Variants in ANKRD17 observed in about 807,000 individuals in gnomAD.
ANKRD17 encodes ankyrin repeat domain 17.
Under a neutral mutation model 229.7 loss-of-function variants are expected in ANKRD17, and 19 were observed. The observed-to-expected ratio is 0.08, with a 90% CI of 0.06 to 0.12. The LOEUF (loss-of-function observed/expected upper bound fraction) is 0.12. Ranked by LOEUF, ANKRD17 falls within the 10% of genes least tolerant of loss-of-function variation. The pLI is 1.00. For synonymous variants in ANKRD17, 1,112 were observed against 1,146.1 expected, an observed-to-expected ratio of 0.97 and a Z score of 0.60; for missense variants, 2,176 against 3,176.8, an observed-to-expected ratio of 0.68 and a Z score of 7.57.
intron 2 of ANKRD17, among the ~76,000 whole-genome samples, chr4:73,174,428 A>C (rs977813078): frequency 2.0e-5 from 3 of 152,208 alleles, no homozygotes; most frequent in African/African-American, 7.2e-5. Context: ...GAGAAGGGAC[A>C]TATCTCAAGG....
At chr4:73,257,437 C>T (rs570675274) in intron 1 of ANKRD17, among the ~76,000 whole-genome samples, 1 of 152,292 alleles carries the variant, frequency 6.6e-6, no homozygotes, top group South Asian at 2.1e-4. Flanking sequence ...CAACTCACCA[C>T]AACCAGGCCT....
At chr4:73,119,135 C>T (rs1400142298) in intron 21 of ANKRD17, among the ~76,000 whole-genome samples, 4 of 152,028 alleles carry the variant, frequency 2.6e-5, no homozygotes, top group African/African-American at 7.2e-5. Flanking sequence ...AATCCTCCTG[C>T]CTCAACCTCT....
chr4:73,208,083 G>A (rs183650642), intron 1 of ANKRD17, among the ~76,000 whole-genome samples: 1 of 151,862 alleles, frequency 6.6e-6, no homozygotes, highest in Non-Finnish European at 1.5e-5. Flanking sequence ...CAGCTACTCC[G>A]GAGGCTGAGG....
At chr4:73,189,456 GCGCCATCTTGGTTCAC>G (rs1364223151) in intron 1 of ANKRD17, among the ~76,000 whole-genome samples, 1 of 133,180 alleles carries the variant, frequency 7.5e-6, no homozygotes, top group Non-Finnish European at 1.5e-5. Context: ...GAGTGCAGTG[GCGCCATCTTGGTTCAC>G]TGCAACCTCC....
chr4:73,134,060 C>G (rs1728588754), intron 16 of ANKRD17, among the ~76,000 whole-genome samples: 2 of 152,068 alleles, frequency 1.3e-5, no homozygotes, highest in African/African-American at 4.8e-5. Flanking sequence ...AAGTACTCAA[C>G]AACAACAAAA....
chr4:73,258,793 T>TCTACTGCCG lies in ANKRD17; in HGVS notation c.-126_-125insCGGCAGTAG, dbSNP rs1243673271. On this transcript the variant is annotated 5_prime_UTR_variant, in exon 1 of 34. Coordinates refer to ENST00000358602, the MANE Select transcript of ANKRD17 (RefSeq NM_032217.5). ...CTCCGCCGCCACCGCCTCGGTCACC[T>TCTACTGCCG]CTACTGCCGCCGCCGCCGCCGCCGC... The TCTACTGCCG allele has an allele frequency of 4.4e-5, 51 of 1,160,670 alleles. No homozygotes were observed. The highest frequency in any genetic ancestry group is 5.2e-5 in the Non-Finnish European group (49 of 943,412). 71.9% of individuals were successfully genotyped at this position (1,160,670 alleles called of 1,614,324 possible).
chr4:73,075,500 A>C lies in ANKRD17; in HGVS notation c.*731T>G, dbSNP rs1720940698. 6.6e-6 allele frequency: 1 copy of C among 152,542 alleles called. No individual in the cohort carries two copies. Among genetic ancestry groups the C allele is most frequent in the Admixed American group, 6.5e-5 (1 of 15,276 alleles). 9.4% of individuals were successfully genotyped at this position (152,542 alleles called of 1,614,324 possible). On this transcript the variant is annotated 3_prime_UTR_variant, in exon 34 of 34. Transcript: ENST00000358602. ...AGGAGTGAGGAGATAAGTCTGTATT[A>C]GTTTTAAAAGTGAGAAAAGGTAATA...
intron 25 of ANKRD17, among the ~76,000 whole-genome samples, chr4:73,101,682 G>A (rs1158771320): frequency 4.4e-4 from 27 of 61,278 alleles, no homozygotes; most frequent in South Asian, 5.1e-4. Flanking sequence ...AAAAAAAAAA[G>A]GATTTATAGG....
rs1158716627 is a variant in ANKRD17, at chr4:73,121,691, T to C, written c.3561A>G (p.Leu1187=). ...EHRNVSDYTP[L]SLAASGGYVN... is the part of the protein sequence containing the mutation. The stretch of plus-strand genomic sequence containing the variant: ...CATAGCCACCAGAAGCAGCCAGACT[T>C]AGAGGTGTGTAATCAGAAACATTCC... Residue 1187 remains leucine (L), a synonymous_variant, in exon 19 of 34, where the codon CTA becomes CTG. Transcript: ENST00000358602. The C allele has an allele frequency of 7.4e-6, 12 of 1,613,674 alleles. No individual in the cohort carries two copies. The highest frequency in any genetic ancestry group is 9.3e-6 in the Non-Finnish European group (11 of 1,179,816).
chr4:73,160,488 G>A (rs1438231991), intron 3 of ANKRD17, among the ~76,000 whole-genome samples: 3 of 152,110 alleles, frequency 2.0e-5, no homozygotes, highest in Non-Finnish European at 4.4e-5. Context: ...AAAGTGCTGA[G>A]ATTACAGGCG....
chr4:73,224,935 T>C (rs769052468), intron 1 of ANKRD17, among the ~76,000 whole-genome samples: 96 of 152,214 alleles, frequency 6.3e-4, no homozygotes, highest in Non-Finnish European at 1.1e-3. Flanking sequence ...CACACAGTTA[T>C]ATGCAGAGTC....
At chr4:73,207,613 T>C (rs935872940) in intron 1 of ANKRD17, among the ~76,000 whole-genome samples, 2 of 152,152 alleles carry the variant, frequency 1.3e-5, no homozygotes, top group Non-Finnish European at 2.9e-5. Context: ...GAAATGCTGG[T>C]AGAGCTATTA....
intron 21 of ANKRD17, among the ~76,000 whole-genome samples, chr4:73,119,833 A>T (rs958519129): frequency 3.3e-5 from 5 of 152,220 alleles, no homozygotes; most frequent in Non-Finnish European, 7.3e-5. Context: ...GAAGCCTTAG[A>T]TCACTGCCAG....
At chr4:73,123,485 C>T (rs113979304) in intron 18 of ANKRD17, among the ~76,000 whole-genome samples, 131 of 152,012 alleles carry the variant, frequency 8.6e-4, no homozygotes, top group African/African-American at 2.9e-3. Context: ...CTCCTTGTCT[C>T]TTGTGTGGAG....
rs1443567710 is a variant in ANKRD17 at position 73,121,752 on chromosome 4, T to G, written c.3500A>C (p.Glu1167Ala). Reference sequence around the variant, plus strand: ...ATTTGCCCCTCGAGCTAACAATAGCTCCACCACCTGAAAATAAAATAGAAA... The same window carrying G: ...ATTTGCCCCTCGAGCTAACAATAGCGCCACCACCTGAAAATAAAATAGAAA... Reference protein sequence around the residue: ...ACSGGRQEVVELLLARGANKE... With the variant: ...ACSGGRQEVVALLLARGANKE... The change falls in exon 19 of 34, where the codon GAG (glutamate) becomes GCG (alanine). Residue 1167 changes from glutamate to alanine, a missense_variant. Glu to Ala is a moderately radical substitution (Grantham distance 107). Around this residue, in one of 18 missense-constraint regions of ANKRD17, gnomAD observed 178 missense variants for 421.7 expected, o/e 0.42. Transcript: ENST00000358602. 1 of 1,587,980 alleles carries G rather than the reference T, an allele frequency of 6.3e-7. No individual in the cohort carries two copies.
At chr4:73,237,188 T>C (rs903675678) in intron 1 of ANKRD17, among the ~76,000 whole-genome samples, 1 of 152,180 alleles carries the variant, frequency 6.6e-6, no homozygotes, top group Non-Finnish European at 1.5e-5. Context: ...CTTAACATTC[T>C]AGGTTGCCTA....
rs1723538330 is a variant in ANKRD17, at chr4:73,098,205, T to C, written c.4889A>G (p.Asn1630Ser). ...ATGATTGTCACTCTTACGACTGCTG[T>C]TGCTGTTACTACTTTCATCGCTGCA... Reference protein sequence around the residue: ...SSCSDESSNSNSSRKSDNHSP... With the variant: ...SSCSDESSNSSSSRKSDNHSP... Residue 1630 changes from asparagine to serine, a missense_variant, in exon 26 of 34, where the codon AAC (asparagine) becomes AGC (serine). Asn to Ser is a conservative substitution (Grantham distance 46). Around this residue, in one of 18 missense-constraint regions of ANKRD17, gnomAD observed 98 missense variants for 101.0 expected, o/e 0.97. Coordinates refer to ENST00000358602, the MANE Select transcript of ANKRD17 (RefSeq NM_032217.5). 3.1e-6 allele frequency: 5 copies of C among 1,614,112 alleles called. No homozygotes were observed. The highest frequency in any genetic ancestry group is 4.2e-6 in the Non-Finnish European group (5 of 1,180,052).
rs201100786 is a variant in ANKRD17, at chr4:73,139,877, A to G, written c.2739T>C (p.Thr913=). The G allele has an allele frequency of 5.0e-5, 81 of 1,614,088 alleles. No individual in the cohort carries two copies. Among genetic ancestry groups the G allele is most frequent in the Non-Finnish European group, 1.4e-5 (17 of 1,180,050 alleles). Residue 913 remains threonine (T), a synonymous_variant, in exon 15 of 34, where the codon ACT becomes ACC. Coordinates refer to ENST00000358602, the MANE Select transcript of ANKRD17 (RefSeq NM_032217.5). ...QQSCQHLGLL[T]PVGVGEQLSE... is the part of the protein sequence containing the mutation. ...AAAGCTGCTCTCCAACTCCAACAGG[A>G]GTTAGTAATCCCAGGTGTTGGCAAG...
At chr4:73,163,720 T>C (rs1410844793) in intron 2 of ANKRD17, among the ~76,000 whole-genome samples, 2 of 152,234 alleles carry the variant, frequency 1.3e-5, no homozygotes, top group African/African-American at 2.4e-5. Flanking sequence ...GCATGCTTTA[T>C]AGCGATATCT....
Sources: allele counts gnomAD v4.1 joint callset (sites outside exome capture counted in the v4.1 genomes callset), GRCh38; gene constraint gnomAD v4.1.1; regional missense constraint gnomAD v4.1.1; transcripts MANE v1.5; gene names NCBI Gene and HGNC (gene_info 2026-07-23, HGNC 2026-07-21).